Variants in ANKS1B observed in about 807,000 individuals in gnomAD.
The protein encoded by ANKS1B is ankyrin repeat and sterile alpha motif domain containing 1B.
In ANKS1B, 36 loss-of-function variants were observed where a neutral mutation model predicts 148.3. That is an observed-to-expected ratio of 0.24 (90% confidence interval 0.19 to 0.32). The LOEUF (loss-of-function observed/expected upper bound fraction) is 0.32. Ranked by LOEUF, ANKS1B falls within the 10% of genes least tolerant of loss-of-function variation. The pLI, the probability that ANKS1B is intolerant of heterozygous loss-of-function variation, is 1.00. For synonymous variants in ANKS1B, 542 were observed against 560.8 expected (o/e 0.97, Z 0.47); for missense variants, 1,157 against 1,542.6 (o/e 0.75, Z 4.19).
At chr12:99,046,692 G>A (rs2099962608) in intron 17 of ANKS1B, among the ~76,000 whole-genome samples, 2 of 151,958 alleles carry the variant, frequency 1.3e-5, no homozygotes, top group South Asian at 4.1e-4. Flanking sequence ...CCAGCTACTT[G>A]GAAGGCTGAG....
chr12:98,848,392 A>C (rs543854745), intron 17 of ANKS1B, among the ~76,000 whole-genome samples: 3 of 152,326 alleles, frequency 2.0e-5, no homozygotes, highest in African/African-American at 7.2e-5. Context: ...ACATAATATT[A>C]TTCACATAGT....
At chr12:99,369,747 A>AAGATAGAT (rs75456516) in intron 12 of ANKS1B, among the ~76,000 whole-genome samples, 16,062 of 143,204 alleles carry the variant, frequency 0.11, 940 homozygotes, top group Admixed American at 0.12. Flanking sequence ...AATGGATAGA[A>AAGATAGAT]AGATAGATAG....
At chr12:99,734,225 C>A (rs1600944418) in intron 8 of ANKS1B, among the ~76,000 whole-genome samples, 1 of 152,200 alleles carries the variant, frequency 6.6e-6, no homozygotes, top group Non-Finnish European at 1.5e-5. Flanking sequence ...ATATTCTTGT[C>A]TTTCTTCCTT....
intron 17 of ANKS1B, among the ~76,000 whole-genome samples, chr12:98,833,633 GGTTT>G (rs1355098136): frequency 1.3e-5 from 2 of 151,932 alleles, no homozygotes; most frequent in Non-Finnish European, 2.9e-5. Flanking sequence ...TATATGTGCA[GGTTT>G]GTTACATGAA....
chr12:99,277,139 T>C (rs916220407), intron 12 of ANKS1B, among the ~76,000 whole-genome samples: 4 of 152,180 alleles, frequency 2.6e-5, no homozygotes, highest in Non-Finnish European at 5.9e-5. Flanking sequence ...TTTTGATGTA[T>C]TAAAAAACTG....
At chr12:98,822,683 T>C (rs558627397) in intron 19 of ANKS1B, among the ~76,000 whole-genome samples, 1 of 152,318 alleles carries the variant, frequency 6.6e-6, no homozygotes, top group African/African-American at 2.4e-5. Flanking sequence ...CACCAGCACA[T>C]GGAGACAAGG....
At chr12:99,808,016 T>C (rs902546766) in intron 3 of ANKS1B, among the ~76,000 whole-genome samples, 1 of 152,104 alleles carries the variant, frequency 6.6e-6, no homozygotes, top group African/African-American at 2.4e-5. Flanking sequence ...AATTAAGATA[T>C]TTTGCAAGCT....
intron 10 of ANKS1B, among the ~76,000 whole-genome samples, chr12:99,454,352 T>G (rs2152831945): frequency 6.6e-6 from 1 of 152,334 alleles, no homozygotes; most frequent in Non-Finnish European, 1.5e-5. Flanking sequence ...TATAGTCACT[T>G]TAAAATTCTC....
chr12:99,455,109 C>T (rs983594570), intron 10 of ANKS1B, among the ~76,000 whole-genome samples: 5 of 152,086 alleles, frequency 3.3e-5, no homozygotes, highest in African/African-American at 1.2e-4. Context: ...ACAACCTATT[C>T]TTTTCTCCGG....
intron 9 of ANKS1B, among the ~76,000 whole-genome samples, chr12:99,545,071 T>G (rs66684249): frequency 0.15 from 23,011 of 152,154 alleles, 1,860 homozygotes; most frequent in Non-Finnish European, 0.17. Flanking sequence ...ATAGAGCTAT[T>G]GATATAATTC....
chr12:99,520,965 T>C (rs781541988), intron 9 of ANKS1B, among the ~76,000 whole-genome samples: 2 of 152,028 alleles, frequency 1.3e-5, no homozygotes, highest in Non-Finnish European at 2.9e-5. Flanking sequence ...CCAGCTAATT[T>C]TGTATTTTTA....
chr12:99,784,573 T>G (rs1359001675), intron 4 of ANKS1B, among the ~76,000 whole-genome samples: 2 of 152,178 alleles, frequency 1.3e-5, no homozygotes, highest in Admixed American at 1.3e-4. Context: ...ACTCTTAATC[T>G]AGCCATCTAG....
At chr12:98,821,157 T>C (rs1431936582) in intron 19 of ANKS1B, among the ~76,000 whole-genome samples, 2 of 152,132 alleles carry the variant, frequency 1.3e-5, no homozygotes, top group African/African-American at 4.8e-5. Flanking sequence ...ACAGAGGAAA[T>C]AGACATCAGA....
intron 1 of ANKS1B, among the ~76,000 whole-genome samples, chr12:99,965,118 C>A (rs1031973210): frequency 6.6e-6 from 1 of 152,024 alleles, no homozygotes; most frequent in Non-Finnish European, 1.5e-5. Flanking sequence ...CATAACAATA[C>A]CCAAATCTTA....
At chr12:98,992,070 T>C (rs1298578495) in intron 17 of ANKS1B, among the ~76,000 whole-genome samples, 1 of 152,204 alleles carries the variant, frequency 6.6e-6, no homozygotes, top group African/African-American at 2.4e-5. Context: ...ACAGGACAGA[T>C]GGTCTTAAAC....
At chr12:99,802,459 A>C (rs1474866280) in intron 4 of ANKS1B, among the ~76,000 whole-genome samples, 1 of 152,224 alleles carries the variant, frequency 6.6e-6, no homozygotes, top group Non-Finnish European at 1.5e-5. Context: ...TTATTAAAAA[A>C]ATATTTAAAG....
intron 8 of ANKS1B, among the ~76,000 whole-genome samples, chr12:99,717,973 G>T (rs1384353501): frequency 1.0e-4 from 14 of 140,430 alleles, no homozygotes. Flanking sequence ...GCGCGATCTC[G>T]GCTCACTGCA....
At chr12:98,867,743 T>C (rs1390695216) in intron 17 of ANKS1B, among the ~76,000 whole-genome samples, 1 of 151,660 alleles carries the variant, frequency 6.6e-6, no homozygotes, top group Non-Finnish European at 1.5e-5. Context: ...GCACCTGTAG[T>C]CCCAGCTACT....
chr12:98,749,305 C>T (rs1489124324), intron 26 of ANKS1B, among the ~76,000 whole-genome samples: 1 of 151,030 alleles, frequency 6.6e-6, no homozygotes, highest in Non-Finnish European at 1.5e-5. Flanking sequence ...GACGGGGTTT[C>T]ACCGTGTTAG....
Sources: gnomAD v4.1 joint callset for allele counts (sites outside exome capture counted in the v4.1 genomes callset) on GRCh38, gnomAD v4.1.1 for gene constraint, MANE v1.5 for transcripts, NCBI Gene and HGNC (gene_info 2026-07-23, HGNC 2026-07-21) for gene names.